The following MAN1C1 variants were observed in gnomAD, a reference collection of about 807,000 sequenced individuals.
MAN1C1 encodes the protein mannosyl-oligosaccharide 1,2-alpha-mannosidase IC.
In MAN1C1, 49 loss-of-function variants were observed where a neutral mutation model predicts 71.5. The ratio of observed to expected loss-of-function variants is 0.69; its 90% CI spans 0.54 to 0.87. The LOEUF is 0.87. MAN1C1 is among the 40% of genes least tolerant of loss of function. The pLI is 0.00. For missense variants in MAN1C1, 743 were observed against 835.0 expected (o/e 0.89, Z 1.36); for synonymous variants, 352 against 343.7 (o/e 1.02, Z -0.27).
intron 1 of MAN1C1, among the ~76,000 whole-genome samples, chr1:25,678,721 G>A (rs1235296574): frequency 1.3e-5 from 2 of 152,160 alleles, no homozygotes; most frequent in Admixed American, 1.3e-4. Context: ...TGAAGTAAAT[G>A]ATGATGAACC....
chr1:25,633,621 T>G (rs1432570497), intron 1 of MAN1C1, among the ~76,000 whole-genome samples: 1 of 152,182 alleles, frequency 6.6e-6, no homozygotes, highest in Non-Finnish European at 1.5e-5. Context: ...TGTTTCCATT[T>G]GTGTGGAATA....
chr1:25,724,186 G>A (rs373169402), intron 2 of MAN1C1, among the ~76,000 whole-genome samples: 5 of 152,000 alleles, frequency 3.3e-5, no homozygotes, highest in Admixed American at 2.6e-4. Flanking sequence ...ACGCCACCAC[G>A]CCCGGCTAAT....
At position 25,769,959 on chromosome 1, in the gene MAN1C1, G is replaced by T. The variant is rs771688125; in HGVS notation, c.1142-1698G>T. 6.6e-6 allele frequency among the ~76,000 whole-genome samples: 1 copy of T among 152,118 alleles called. No homozygotes were observed. Among genetic ancestry groups the T allele is most frequent in the Non-Finnish European group, 1.5e-5 (1 of 68,008 alleles). On this transcript the variant is annotated intron_variant, in intron 7 of 11. Transcript: ENST00000374332. The surrounding 1 kb of genome is among the most constrained non-coding windows in gnomAD (Gnocchi z 4.8). Reference sequence around the variant, plus strand: ...GGCTTGTGAGAATGCCTGAGCCCCCGCGTGGGGAATGAGGTGGGGAGGGTG... The same window carrying T: ...GGCTTGTGAGAATGCCTGAGCCCCCTCGTGGGGAATGAGGTGGGGAGGGTG...
Position 25,776,602 on chromosome 1 carries a change from T to G in MAN1C1, c.1258-1503T>G, listed in dbSNP as rs2047622233. Among the ~76,000 whole-genome samples the G allele has an allele frequency of 6.6e-6, 1 of 152,132 alleles. No homozygotes were observed. Among genetic ancestry groups the G allele is most frequent in the Non-Finnish European group, 1.5e-5 (1 of 68,016 alleles). ...ATATATATTTGGTTTTGTTGGGAAT[T>G]CTCTGCACTAATGGGTGAGCTCCCT... On this transcript the variant is annotated intron_variant, in intron 8 of 11. Transcript: ENST00000374332. The surrounding 1 kb of genome is among the most constrained non-coding windows in gnomAD (Gnocchi z 4.3).
chr1:25,729,581 G>T (rs897100706), intron 2 of MAN1C1, among the ~76,000 whole-genome samples: 3 of 151,372 alleles, frequency 2.0e-5, no homozygotes, highest in Admixed American at 6.6e-5. Context: ...GCATGATCTC[G>T]GCTCACTGCA....
rs1356194494 is a variant in MAN1C1, at chr1:25,623,341, AT to A, written c.540+5006del. 2.6e-5 allele frequency among the ~76,000 whole-genome samples: 4 copies of A among 152,042 alleles called. No homozygotes were observed. In the East Asian group the frequency reaches 7.7e-4, roughly 29 times the overall value. Reference sequence around the variant, plus strand: ...GAGGGAATTAGGCATTCCAGGAGCAATTGCTTCTTAGGCCCCATATTCTTAA... The same window carrying A: ...GAGGGAATTAGGCATTCCAGGAGCAATGCTTCTTAGGCCCCATATTCTTAA... On this transcript the variant is annotated intron_variant, in intron 1 of 11. Transcript: ENST00000374332.
Position 25,735,514 on chromosome 1 carries a change from GTA to G in MAN1C1, c.638-11146_638-11145del, listed in dbSNP as rs1440794472. Reference sequence around the variant, plus strand: ...TGTATATGTGTGTATGTATGTGTGTGTATATATATGTGTATGTATATGTGTAT... The same window carrying G: ...TGTATATGTGTGTATGTATGTGTGTGTATATATGTGTATGTATATGTGTAT... On this transcript the variant is annotated intron_variant, in intron 2 of 11. Coordinates refer to ENST00000374332, the MANE Select transcript of MAN1C1 (RefSeq NM_020379.4). The surrounding 1 kb of genome is among the most constrained non-coding windows in gnomAD (Gnocchi z 4.6). 6.6e-6 allele frequency among the ~76,000 whole-genome samples: 1 copy of G among 152,056 alleles called. No homozygotes were observed. The highest frequency in any genetic ancestry group is 1.5e-5 in the Non-Finnish European group (1 of 68,006).
intron 1 of MAN1C1, among the ~76,000 whole-genome samples, chr1:25,666,497 T>C (rs2045926561): frequency 6.6e-6 from 1 of 152,212 alleles, no homozygotes; most frequent in Admixed American, 6.5e-5. Context: ...GAGGAATTTC[T>C]TCCTCTTGCT....
At chr1:25,716,879 A>C (rs1163371054) in intron 2 of MAN1C1, among the ~76,000 whole-genome samples, 1 of 152,120 alleles carries the variant, frequency 6.6e-6, no homozygotes, top group Non-Finnish European at 1.5e-5. Flanking sequence ...ATCTGCTGTC[A>C]CTCTAAATTA....
Position 25,734,508 on chromosome 1 carries a change from T to A in MAN1C1, c.638-12160T>A, listed in dbSNP as rs2046954438. ...AAAAAGGATTGTTCTTAACTTCTGA[T>A]AAGGAAGGGTTGGCTGGCATTTAGA... On this transcript the variant is annotated intron_variant, in intron 2 of 11. Transcript: ENST00000374332. 1.3e-5 allele frequency among the ~76,000 whole-genome samples: 2 copies of A among 152,268 alleles called. 1 individual carries two copies. The highest frequency in any genetic ancestry group is 4.1e-4 in the South Asian group (2 of 4,834).
At chr1:25,694,472 T>G (rs2046345566) in intron 2 of MAN1C1, among the ~76,000 whole-genome samples, 1 of 152,180 alleles carries the variant, frequency 6.6e-6, no homozygotes, top group African/African-American at 2.4e-5. Flanking sequence ...AGAGGCAAAA[T>G]GAACACAGCA....
intron 8 of MAN1C1, 62 bp downstream of exon 8, chr1:25,771,834 C>G (rs111670811): frequency 5.1e-6 from 7 of 1,368,990 alleles, no homozygotes; most frequent in Non-Finnish European, 6.2e-6. Flanking sequence ...CTCTCACGGC[C>G]GAGCGAGGGT....
chr1:25,685,271 G>A (rs967684387), intron 1 of MAN1C1, among the ~76,000 whole-genome samples: 5 of 152,188 alleles, frequency 3.3e-5, no homozygotes, highest in East Asian at 1.9e-4. Flanking sequence ...CAGAGATAGC[G>A]GCAGAGGTGG....
intron 5 of MAN1C1, among the ~76,000 whole-genome samples, chr1:25,754,253 C>T (rs1157211612): frequency 6.6e-6 from 1 of 152,194 alleles, no homozygotes. Flanking sequence ...CCCATCCCAT[C>T]TCCTGAAGTG....
chr1:25,746,851 C>CT lies in MAN1C1; in HGVS notation c.753+69dup. On this transcript the variant is annotated intron_variant, in intron 3 of 11. Transcript: ENST00000374332. This position sits in a 1 kb window ranked among gnomAD's most constrained non-coding sequence, Gnocchi z 4.0. ...AAGAGGCCCAACAGCCAGCTTCACC[C>CT]TGTCATCTCTGAGACCCAGAGATGT... The CT allele has an allele frequency of 1.9e-6, 2 of 1,054,014 alleles. No individual in the cohort carries two copies. Among genetic ancestry groups the CT allele is most frequent in the Non-Finnish European group, 2.8e-6 (2 of 710,574 alleles). 65.3% of individuals were successfully genotyped at this position (1,054,014 alleles called of 1,614,324 possible). A position where few individuals can be genotyped will look rare whatever the true frequency, so the allele number is the denominator to read the frequency against.
At chr1:25,672,747 G>T (rs1192501326) in intron 1 of MAN1C1, among the ~76,000 whole-genome samples, 2 of 152,188 alleles carry the variant, frequency 1.3e-5, no homozygotes, top group Non-Finnish European at 2.9e-5. Context: ...CTGAGGATTA[G>T]AACATTTGGG....
chr1:25,771,612 C>T lies in MAN1C1; in HGVS notation c.1142-45C>T, dbSNP rs59356657. On this transcript the variant is annotated intron_variant, in intron 7 of 11. Transcript: ENST00000374332. The stretch of plus-strand genomic sequence containing the variant: ...GTGCGAGGCCCTGCCCCGTGAGAGC[C>T]GGCGGCAGATGGAGATAATGTTCTT... 1,029 of 1,473,898 alleles carry T rather than the reference C, an allele frequency of 7.0e-4. 12 individuals carry two copies. In the African/African-American group the frequency reaches 0.013, roughly 18 times the overall value. The allele number at this position is 1,473,898 out of a possible 1,614,324, so 91.3% of individuals were successfully genotyped here. A position where few individuals can be genotyped will look rare whatever the true frequency, so the allele number is the denominator to read the frequency against.
chr1:25,764,466 G>A lies in MAN1C1; in HGVS notation c.1141+499G>A, dbSNP rs1261053666. Among the ~76,000 whole-genome samples, 2 of 151,956 alleles carry A rather than the reference G, an allele frequency of 1.3e-5. No homozygotes were observed. Among genetic ancestry groups the A allele is most frequent in the Admixed American group, 1.3e-4 (2 of 15,266 alleles). On this transcript the variant is annotated intron_variant, in intron 7 of 11. Transcript: ENST00000374332. This position sits in a 1 kb window ranked among gnomAD's most constrained non-coding sequence, Gnocchi z 4.4. Reference sequence around the variant, plus strand: ...CTCACTCTGTCACCCAGGCCGGAGTGCAGTGGCACGATCTCGGCTCACTGC... The same window carrying A: ...CTCACTCTGTCACCCAGGCCGGAGTACAGTGGCACGATCTCGGCTCACTGC...
At chr1:25,724,026 C>CTT (rs1209904579) in intron 2 of MAN1C1, among the ~76,000 whole-genome samples, 7 of 135,472 alleles carry the variant, frequency 5.2e-5, no homozygotes, top group African/African-American at 1.6e-4. Context: ...GACTGCCTAC[C>CTT]TTTTTTTTTT....
Sources: allele counts gnomAD v4.1 joint callset (sites outside exome capture counted in the v4.1 genomes callset), GRCh38; gene constraint gnomAD v4.1.1; non-coding constraint Gnocchi (gnomAD v3.1); transcripts MANE v1.5; gene names NCBI Gene and HGNC (gene_info 2026-07-23, HGNC 2026-07-21).